PRR16: variants seen among roughly 807,000 people sequenced by gnomAD.
The protein encoded by PRR16 is proline rich 16.
In PRR16, 6 loss-of-function variants were observed where a neutral mutation model predicts 18.2. The observed-to-expected ratio is 0.33, with a 90% CI of 0.18 to 0.65. The LOEUF (loss-of-function observed/expected upper bound fraction) is 0.65, where lower values mean the gene tolerates loss of function less well. Among genes scored for constraint, PRR16 ranks in the 30% least tolerant of loss-of-function variants. The pLI is 0.74. For missense variants in PRR16, 412 were observed against 376.6 expected (o/e 1.09, Z -0.78); for synonymous variants, 151 against 147.8 (o/e 1.02, Z -0.16).
chr5:120,549,124 G>A (rs1752170301), intron 1 of PRR16, among the ~76,000 whole-genome samples: 1 of 151,920 alleles, frequency 6.6e-6, no homozygotes, highest in South Asian at 2.1e-4. Context: ...TTGATTGATT[G>A]AGAGAGGCTC....
At chr5:120,521,986 A>G (rs143613190) in intron 1 of PRR16, among the ~76,000 whole-genome samples, 33,806 of 152,166 alleles carry the variant, frequency 0.22, 4,071 homozygotes, top group African/African-American at 0.31. Flanking sequence ...CCATATCCCT[A>G]CAAAGGACAT....
Position 120,466,266 on chromosome 5 carries a change from G to A in PRR16, c.159+1621G>A, listed in dbSNP as rs148901091. Among the ~76,000 whole-genome samples the A allele has an allele frequency of 4.5e-4, 68 of 152,250 alleles. 1 individual carries two copies. The highest frequency in any genetic ancestry group is 1.9e-3 in the South Asian group (9 of 4,824). On this transcript the variant is annotated intron_variant, in intron 1 of 1. Coordinates refer to ENST00000407149, the MANE Select transcript of PRR16 (RefSeq NM_001300783.2). ...GTTATTCTTTTATATGACATCTTTGGTAGACTGTGTTTTCATCTGAAACAT... is the reference window on the plus strand; with the variant it reads ...GTTATTCTTTTATATGACATCTTTGATAGACTGTGTTTTCATCTGAAACAT...
At chr5:120,695,528 C>A in the PRR16 span, among the ~76,000 whole-genome samples, 3 of 152,184 alleles carry the variant, frequency 2.0e-5, no homozygotes, top group Non-Finnish European at 4.4e-5. Context: ...GTTGCATTTC[C>A]CACCTGCCTG....
chr5:120,557,282 A>C (rs929881978), intron 1 of PRR16, among the ~76,000 whole-genome samples: 6 of 151,920 alleles, frequency 3.9e-5, no homozygotes, highest in Non-Finnish European at 8.8e-5. Flanking sequence ...TGTAAAATTG[A>C]AATTCTAGAT....
intron 1 of PRR16, among the ~76,000 whole-genome samples, chr5:120,683,368 G>A (rs965290880): frequency 6.6e-6 from 1 of 151,760 alleles, no homozygotes; most frequent in Non-Finnish European, 1.5e-5. Flanking sequence ...TGGGTGTGGT[G>A]GTGGCTGCCT....
intron 1 of PRR16, among the ~76,000 whole-genome samples, chr5:120,685,016 G>A (rs1320081149): frequency 6.6e-6 from 1 of 152,112 alleles, no homozygotes; most frequent in Non-Finnish European, 1.5e-5. Context: ...TATTAGTTTA[G>A]GGTCCTGGGC....
intron 1 of PRR16, among the ~76,000 whole-genome samples, chr5:120,468,891 A>T (rs574921750): frequency 6.6e-6 from 1 of 152,342 alleles, no homozygotes; most frequent in Non-Finnish European, 1.5e-5. Context: ...TGAAAAACAT[A>T]TGTAAATAAT....
At chr5:120,528,398 T>C (rs554252636) in intron 1 of PRR16, among the ~76,000 whole-genome samples, 5 of 152,286 alleles carry the variant, frequency 3.3e-5, no homozygotes, top group Non-Finnish European at 7.3e-5. Flanking sequence ...ACACATTATT[T>C]TGTAGGACTC....
chr5:120,775,632 CT>C, the PRR16 span, among the ~76,000 whole-genome samples: 922 of 137,492 alleles, frequency 6.7e-3, 3 homozygotes, highest in Middle Eastern at 0.019. Flanking sequence ...TTTCTTTCTC[CT>C]TTTTTTTTTT....
the PRR16 span, among the ~76,000 whole-genome samples, chr5:120,736,390 G>A: frequency 3.5e-4 from 53 of 152,062 alleles, no homozygotes; most frequent in East Asian, 9.7e-3. Context: ...TCAGCCTCCC[G>A]AGTAGCTGAA....
chr5:120,706,323 T>TCC, the PRR16 span, among the ~76,000 whole-genome samples: 2 of 151,992 alleles, frequency 1.3e-5, no homozygotes, highest in Non-Finnish European at 1.5e-5. Context: ...TTTTGTCAGT[T>TCC]TGACTTGGGG....
At chr5:120,661,870 TC>T (rs1462656758) in intron 1 of PRR16, among the ~76,000 whole-genome samples, 1 of 152,150 alleles carries the variant, frequency 6.6e-6, no homozygotes, top group African/African-American at 2.4e-5. Context: ...TCATGAATTT[TC>T]TGTCTGAGGA....
chr5:120,491,950 A>G (rs1328979010), intron 1 of PRR16, among the ~76,000 whole-genome samples: 1 of 152,304 alleles, frequency 6.6e-6, no homozygotes, highest in South Asian at 2.1e-4. Flanking sequence ...AACAAAATTC[A>G]TGAGGAGTGT....
the PRR16 span, among the ~76,000 whole-genome samples, chr5:120,751,010 C>G: frequency 6.6e-6 from 1 of 152,076 alleles, no homozygotes; most frequent in Non-Finnish European, 1.5e-5. Context: ...ATTTTTTTAG[C>G]TTCCATATAT....
At chr5:120,546,247 G>GAAAT (rs1321916204) in intron 1 of PRR16, among the ~76,000 whole-genome samples, 1 of 151,980 alleles carries the variant, frequency 6.6e-6, no homozygotes, top group Non-Finnish European at 1.5e-5. Flanking sequence ...GAATACAGTG[G>GAAAT]GAATGGTTAT....
chr5:120,554,526 T>C (rs764730753), intron 1 of PRR16, among the ~76,000 whole-genome samples: 4 of 151,872 alleles, frequency 2.6e-5, no homozygotes, highest in African/African-American at 4.8e-5. Context: ...AAGGTAACAA[T>C]AAAATTGAAA....
intron 1 of PRR16, among the ~76,000 whole-genome samples, chr5:120,536,889 G>T (rs1751734436): frequency 6.6e-6 from 1 of 152,220 alleles, no homozygotes; most frequent in African/African-American, 2.4e-5. Context: ...CGTGTCTTTT[G>T]TGGCAGCATG....
chr5:120,745,990 G>A, the PRR16 span, among the ~76,000 whole-genome samples: 1 of 151,868 alleles, frequency 6.6e-6, no homozygotes, highest in Non-Finnish European at 1.5e-5. Flanking sequence ...GGGATTACAG[G>A]TGTGAACCAC....
the PRR16 span, among the ~76,000 whole-genome samples, chr5:120,771,954 A>G: frequency 6.6e-6 from 1 of 152,100 alleles, no homozygotes; most frequent in East Asian, 1.9e-4. Context: ...TAAAAACTGG[A>G]ATAAAAGAAA....
Sources: allele counts gnomAD v4.1 joint callset (sites outside exome capture counted in the v4.1 genomes callset), GRCh38; gene constraint gnomAD v4.1.1; transcripts MANE v1.5; gene names NCBI Gene and HGNC (gene_info 2026-07-23, HGNC 2026-07-21).